Variants in PUM3 observed in about 807,000 individuals in gnomAD.
The protein encoded by PUM3 is pumilio homolog 3.
Under a neutral mutation model 84.0 loss-of-function variants are expected in PUM3, and 91 were observed. The ratio of observed to expected loss-of-function variants is 1.08; its 90% CI spans 0.91 to 1.29. PUM3 has a LOEUF of 1.29. PUM3 is among the 50% of genes most tolerant of loss of function. The pLI, the probability that PUM3 is intolerant of heterozygous loss-of-function variation, is 0.00. For missense variants in PUM3, 1,067 were observed against 767.5 expected, an observed-to-expected ratio of 1.39 and a Z score of -4.61; for synonymous variants, 321 against 266.7, an observed-to-expected ratio of 1.20 and a Z score of -1.98.
At chr9:2,820,917 C>T (rs1431128071) in intron 12 of PUM3, among the ~76,000 whole-genome samples, 1 of 152,098 alleles carries the variant, frequency 6.6e-6, no homozygotes, top group Non-Finnish European at 1.5e-5. Context: ...AAACAAAAAC[C>T]TGTTTCCAGA....
intron 13 of PUM3, among the ~76,000 whole-genome samples, chr9:2,816,472 C>G (rs1384219567): frequency 1.3e-5 from 2 of 152,334 alleles, no homozygotes; most frequent in Admixed American, 1.3e-4. Context: ...TACTACTTAA[C>G]TGTATCCTTC....
intron 4 of PUM3, 100 bp downstream of exon 4, chr9:2,833,931 T>C (rs1816051751): frequency 7.9e-7 from 1 of 1,268,572 alleles, no homozygotes; most frequent in Non-Finnish European, 1.1e-6. Context: ...ATAACCCAAG[T>C]GCTATGTCAT....
In PUM3 at chr9:2,831,020, C is replaced by G; in HGVS notation, c.619G>C (p.Val207Leu). The G allele has an allele frequency of 6.7e-7, 1 of 1,487,092 alleles. No homozygotes were observed. Among genetic ancestry groups the G allele is most frequent in the Non-Finnish European group, 9.3e-7 (1 of 1,072,050 alleles). 92.1% of individuals were successfully genotyped at this position (1,487,092 alleles called of 1,614,324 possible). A position where few individuals can be genotyped will look rare whatever the true frequency, so the allele number is the denominator to read the frequency against. ...QAFEELRDDL[V>L]ELSKAKYSRN... ...GAATATTTGGCTTTACTTAACTCAA[C>G]CAAATCATCTGAAAAACAAAAATAC... Residue 207 changes from valine to leucine, a missense_variant, in exon 7 of 18, where the codon GTT (valine) becomes CTT (leucine). Transcript: ENST00000397885.
At chr9:2,808,035 TC>T (rs1821297507) in intron 16 of PUM3, 131 bp from the exon 17 acceptor site, 1 of 616,618 alleles carries the variant, frequency 1.6e-6, no homozygotes, top group Non-Finnish European at 2.8e-6. Context: ...TCACCCAATC[TC>T]CCTTTTAACA....
At chr9:2,823,674 T>A (rs1563830525) in intron 12 of PUM3, 107 bp downstream of exon 12, 3 of 506,338 alleles carry the variant, frequency 5.9e-6, no homozygotes, top group East Asian at 3.3e-5. Context: ...AATAAAACAA[T>A]AATTTTCTGC....
At chr9:2,822,664 C>T (rs1029756857) in intron 12 of PUM3, among the ~76,000 whole-genome samples, 4 of 148,982 alleles carry the variant, frequency 2.7e-5, no homozygotes, top group East Asian at 2.0e-4. Flanking sequence ...TAGAATGTCA[C>T]GCAAAAAAAT....
rs1821221251 is a variant in PUM3, at chr9:2,804,425, A to G, written c.1853T>C (p.Val618Ala). Residue 618 changes from valine to alanine, a missense_variant, in exon 18 of 18, where the codon GTC becomes GCC. Transcript: ENST00000397885. ...QSCDLEVANK[V>A]KAALKSLIPT... ...AATCAAGCTTTTCAGTGCAGCTTTG[A>G]CTTTGTTTGCAACTTCCAGGTCACA... 6.2e-7 allele frequency: 1 copy of G among 1,613,908 alleles called. No homozygotes were observed. The highest frequency in any genetic ancestry group is 8.5e-7 in the Non-Finnish European group (1 of 1,179,928).
intron 17 of PUM3, among the ~76,000 whole-genome samples, chr9:2,807,460 G>A (rs1419709422): frequency 1.3e-5 from 2 of 151,452 alleles, no homozygotes; most frequent in African/African-American, 2.4e-5. Flanking sequence ...AAAATTAGTT[G>A]GGTGTGGTGG....
intron 3 of PUM3, 97 bp downstream of exon 3, chr9:2,837,083 G>T: frequency 9.8e-7 from 1 of 1,024,916 alleles, no homozygotes; most frequent in Non-Finnish European, 1.5e-6. Context: ...AATGTTACCT[G>T]CCAAGGAATA....
rs1299435005 is a variant in PUM3 at position 2,835,406 on chromosome 9, T to C, written c.305-1240A>G. Among the ~76,000 whole-genome samples, 7 of 152,050 alleles carry C rather than the reference T, an allele frequency of 4.6e-5. 1 individual carries two copies. In the East Asian group the frequency reaches 7.7e-4, roughly 17 times the overall value. On this transcript the variant is annotated intron_variant, in intron 3 of 17. Coordinates refer to ENST00000397885, the MANE Select transcript of PUM3 (RefSeq NM_014878.5). ...GCACTTCACAGTCTGGGCAACAAAGTGAGACCCTCAAAAAAGAAAAAAATT... is the reference window on the plus strand; with the variant it reads ...GCACTTCACAGTCTGGGCAACAAAGCGAGACCCTCAAAAAAGAAAAAAATT...
intron 6 of PUM3, 29 bp from the exon 7 acceptor site, chr9:2,831,057 T>G: frequency 8.4e-7 from 1 of 1,191,264 alleles, no homozygotes; most frequent in Non-Finnish European, 1.2e-6. Flanking sequence ...TTACAGTGAC[T>G]TCAGATCTCA....
chr9:2,830,321 G>A (rs889064476), intron 7 of PUM3, among the ~76,000 whole-genome samples: 7 of 152,142 alleles, frequency 4.6e-5, no homozygotes, highest in Non-Finnish European at 1.0e-4. Flanking sequence ...TTTGTCAACT[G>A]CATATATTAC....
chr9:2,833,185 G>A (rs992435819), intron 5 of PUM3, among the ~76,000 whole-genome samples, 172 bp downstream of exon 5: 6 of 152,058 alleles, frequency 3.9e-5, no homozygotes, highest in Admixed American at 3.3e-4. Context: ...TAGCAGTAAG[G>A]TCCCTCACTT....
At chr9:2,839,208 C>G (rs772019554) in intron 1 of PUM3, among the ~76,000 whole-genome samples, 8 of 152,182 alleles carry the variant, frequency 5.3e-5, no homozygotes, top group Non-Finnish European at 8.8e-5. Context: ...AACCCCTCAC[C>G]TACCCAAGGT....
At chr9:2,824,892 G>T (rs572262918) in intron 10 of PUM3, 77 bp from the exon 11 acceptor site, 15 of 1,001,546 alleles carry the variant, frequency 1.5e-5, no homozygotes, top group Non-Finnish European at 1.9e-5. Flanking sequence ...CTGTCTACAG[G>T]GGGCAGTTAT....
rs1252892082 is a variant in PUM3, at chr9:2,837,327, A to G, written c.157T>C (p.Phe53Leu). 6.2e-7 allele frequency: 1 copy of G among 1,614,118 alleles called. No homozygotes were observed. Among genetic ancestry groups the G allele is most frequent in the South Asian group, 1.1e-5 (1 of 91,082 alleles). Residue 53 changes from phenylalanine to leucine, a missense_variant, in exon 3 of 18, where the codon TTT becomes CTT. Physicochemically the swap from Phe to Leu is conservative, Grantham distance 22 (BLOSUM62 0). Transcript: ENST00000397885. Reference sequence around the variant, plus strand: ...CCAAGTTTTGTGATACTTTTCTCAAAGTTCCTAGATGTGACTTTAGGTCCA... The same window carrying G: ...CCAAGTTTTGTGATACTTTTCTCAAGGTTCCTAGATGTGACTTTAGGTCCA... The part of the protein sequence containing the change: ...EGGPKVTSRN[F>L]EKSITKLGKK...
At chr9:2,832,490 A>G (rs1816010210) in intron 5 of PUM3, among the ~76,000 whole-genome samples, 1 of 152,186 alleles carries the variant, frequency 6.6e-6, no homozygotes, top group South Asian at 2.1e-4. Flanking sequence ...AATAATCAAT[A>G]AAGAAGTTAT....
intron 13 of PUM3, 123 bp downstream of exon 13, chr9:2,819,895 A>T (rs1296263568): frequency 1.9e-6 from 1 of 537,846 alleles, no homozygotes; most frequent in Non-Finnish European, 3.4e-6. Context: ...ACTTAAAAGT[A>T]AGCAAAAATA....
intron 13 of PUM3, among the ~76,000 whole-genome samples, chr9:2,814,314 C>A (rs761508733): frequency 9.2e-6 from 1 of 108,316 alleles, no homozygotes; most frequent in Non-Finnish European, 2.0e-5. Flanking sequence ...TGGGTTCAAG[C>A]AATTCTCCTG....
Sources: allele counts gnomAD v4.1 joint callset (sites outside exome capture counted in the v4.1 genomes callset), GRCh38; gene constraint gnomAD v4.1.1; transcripts MANE v1.5; gene names NCBI Gene and HGNC (gene_info 2026-07-23, HGNC 2026-07-21).